The following PDZD2 variants were observed in gnomAD, a reference collection of about 807,000 sequenced individuals.
PDZD2 encodes the protein PDZ domain containing 2.
Under a neutral mutation model 220.7 loss-of-function variants are expected in PDZD2, and 90 were observed. That is an observed-to-expected ratio of 0.41 (90% CI 0.34 to 0.49). PDZD2 has a LOEUF of 0.49. PDZD2 is among the 20% of genes least tolerant of loss of function. The pLI is 0.28. For synonymous variants in PDZD2, 1,375 were observed against 1,450.5 expected (o/e 0.95, Z 1.18); for missense variants, 3,174 against 3,608.5 (o/e 0.88, Z 3.08).
chr5:32,072,057 C>A, intron 16 of PDZD2, 104 bp from the exon 17 acceptor site: 1 of 780,942 alleles, frequency 1.3e-6, no homozygotes, highest in Non-Finnish European at 2.1e-6. Context: ...TTCAAGTGAC[C>A]GTTGATTAGA....
intron 1 of PDZD2, among the ~76,000 whole-genome samples, chr5:31,733,112 G>A (rs1298838867): frequency 6.6e-6 from 1 of 152,180 alleles, no homozygotes; most frequent in East Asian, 1.9e-4. Flanking sequence ...TACAAGCCGT[G>A]ATTCCATTTA....
At chr5:31,705,578 C>A (rs888119551) in intron 1 of PDZD2, among the ~76,000 whole-genome samples, 2 of 152,082 alleles carry the variant, frequency 1.3e-5, no homozygotes, top group African/African-American at 4.8e-5. Context: ...GGCAATTAGA[C>A]CCTTACGAAA....
At chr5:31,833,526 C>T (rs1399917768) in intron 2 of PDZD2, among the ~76,000 whole-genome samples, 4 of 151,094 alleles carry the variant, frequency 2.6e-5, no homozygotes, top group Non-Finnish European at 5.9e-5. Flanking sequence ...GCTCGTAATC[C>T]GCCCACCTTG....
intron 21 of PDZD2, 41 bp from the exon 22 acceptor site, chr5:32,097,238 C>A: frequency 7.7e-7 from 1 of 1,295,582 alleles, no homozygotes; most frequent in Middle Eastern, 1.9e-4. Flanking sequence ...TAATTTTTTG[C>A]AGCTGTAGCT....
intron 6 of PDZD2, among the ~76,000 whole-genome samples, chr5:32,027,519 G>A (rs62360057): frequency 0.5 from 76,539 of 151,950 alleles, 20,189 homozygotes; most frequent in South Asian, 0.61. Flanking sequence ...CAGCCTGAGC[G>A]TCGCAGTGGG....
At chr5:31,705,772 G>A (rs752475478) in intron 1 of PDZD2, among the ~76,000 whole-genome samples, 67 of 152,344 alleles carry the variant, frequency 4.4e-4, no homozygotes, top group African/African-American at 1.5e-3. Flanking sequence ...GAGAGGGGCC[G>A]GGCATGGTGG....
intron 18 of PDZD2, among the ~76,000 whole-genome samples, chr5:32,075,063 C>T (rs1741164356): frequency 6.6e-6 from 1 of 152,184 alleles, no homozygotes; most frequent in South Asian, 2.1e-4. Flanking sequence ...CCACCTGCCT[C>T]GGCCTCCTGA....
intron 2 of PDZD2, among the ~76,000 whole-genome samples, chr5:31,968,062 G>A (rs1042691845): frequency 2.6e-5 from 4 of 152,164 alleles, no homozygotes; most frequent in Admixed American, 2.6e-4. Flanking sequence ...CCATGCAAAA[G>A]TATTTGGAGG....
intron 1 of PDZD2, among the ~76,000 whole-genome samples, chr5:31,701,540 C>T (rs942209743): frequency 5.9e-5 from 9 of 152,206 alleles, no homozygotes; most frequent in African/African-American, 9.6e-5. Context: ...TCTAGCTATA[C>T]ACACAGGTGT....
At chr5:32,012,532 C>A (rs116612511) in intron 6 of PDZD2, among the ~76,000 whole-genome samples, 1 of 151,748 alleles carries the variant, frequency 6.6e-6, no homozygotes. Context: ...TACAGACGCA[C>A]GCCACCGCGC....
chr5:31,680,238 G>T (rs1396846737), intron 1 of PDZD2, among the ~76,000 whole-genome samples: 1 of 152,184 alleles, frequency 6.6e-6, no homozygotes, highest in African/African-American at 2.4e-5. Flanking sequence ...ATCTGCCTGG[G>T]TCCTAGGGGA....
rs569340482 is a variant in PDZD2 at position 31,903,019 on chromosome 5, A to G, written c.477-80136A>G. 1.1e-3 allele frequency among the ~76,000 whole-genome samples: 172 copies of G among 152,264 alleles called. 1 individual carries two copies. Among genetic ancestry groups the G allele is most frequent in the African/African-American group, 3.8e-3 (160 of 41,572 alleles). ...ATTTGCATGCAGGAGGGAAAAAAAA[A>G]AGTCCTACAACTTGAAAGTAAAAAT... On this transcript the variant is annotated intron_variant, in intron 2 of 24. Transcript: ENST00000438447.
At chr5:31,782,778 A>G (rs981717640) in intron 1 of PDZD2, among the ~76,000 whole-genome samples, 5 of 139,858 alleles carry the variant, frequency 3.6e-5, no homozygotes, top group Non-Finnish European at 7.5e-5. Context: ...AAGTGGCACG[A>G]TCTCGGCTTA....
chr5:31,701,404 G>A (rs983159984), intron 1 of PDZD2, among the ~76,000 whole-genome samples: 3 of 151,992 alleles, frequency 2.0e-5, no homozygotes, highest in Non-Finnish European at 4.4e-5. Flanking sequence ...TGTTGCCCGC[G>A]CTGGTCTTGA....
intron 2 of PDZD2, among the ~76,000 whole-genome samples, chr5:31,875,593 A>ATAT (rs1303249976): frequency 4.8e-5 from 7 of 144,794 alleles, no homozygotes; most frequent in African/African-American, 1.8e-4. Flanking sequence ...TCAAAAAAAA[A>ATAT]AAAAATATAT....
chr5:31,882,021 A>G (rs1561538336), intron 2 of PDZD2, among the ~76,000 whole-genome samples: 2 of 151,988 alleles, frequency 1.3e-5, no homozygotes, highest in African/African-American at 4.8e-5. Context: ...GCCCAGCCCC[A>G]TTTCCTTATA....
chr5:31,661,785 GTTTTTTTT>G (rs5867089), intron 1 of PDZD2, among the ~76,000 whole-genome samples: 1 of 141,806 alleles, frequency 7.1e-6, no homozygotes, highest in African/African-American at 2.6e-5. Flanking sequence ...TCCTCCCTTG[GTTTTTTTT>G]TTTTTTCTTT....
chr5:31,824,528 G>A (rs532475496), intron 2 of PDZD2, among the ~76,000 whole-genome samples: 80 of 152,276 alleles, frequency 5.3e-4, no homozygotes, highest in African/African-American at 1.8e-3. Flanking sequence ...TACACTGGGA[G>A]GAAGGTGGGG....
chr5:32,097,960 C>G (rs1743882165), intron 22 of PDZD2, among the ~76,000 whole-genome samples: 1 of 152,164 alleles, frequency 6.6e-6, no homozygotes, highest in South Asian at 2.1e-4. Flanking sequence ...TTAGAAAGTT[C>G]CTTTACTACA....
Sources: allele counts gnomAD v4.1 joint callset (sites outside exome capture counted in the v4.1 genomes callset), GRCh38; gene constraint gnomAD v4.1.1; transcripts MANE v1.5; gene names NCBI Gene and HGNC (gene_info 2026-07-23, HGNC 2026-07-21).